Variants in MSRA observed in about 807,000 individuals in gnomAD.
The protein encoded by MSRA is methionine sulfoxide reductase A.
MSRA carries 54 observed loss-of-function variants against 31.3 expected under a neutral mutation model. The observed-to-expected ratio is 1.73, with a 90% CI of 1.39 to 2.17. The LOEUF (loss-of-function observed/expected upper bound fraction) is 2.17. Ranked by LOEUF, MSRA falls within the 30% of genes most tolerant of loss-of-function variation. The pLI is 0.00. For synonymous variants in MSRA, 169 were observed against 116.5 expected, an observed-to-expected ratio of 1.45 and a Z score of -2.90; for missense variants, 507 against 300.9, an observed-to-expected ratio of 1.69 and a Z score of -5.07.
chr8:10,230,789 T>G (rs2975736), intron 2 of MSRA, among the ~76,000 whole-genome samples: 114,421 of 152,040 alleles, frequency 0.75, 44,607 homozygotes, highest in Non-Finnish European at 0.87. Context: ...TTGTTGTTGT[T>G]GTGGTTTTAA....
intron 3 of MSRA, among the ~76,000 whole-genome samples, chr8:10,288,206 C>A (rs925533511): frequency 3.3e-5 from 5 of 152,176 alleles, no homozygotes; most frequent in African/African-American, 1.2e-4. Flanking sequence ...CCCTAAGCGG[C>A]CTTTTTAGAC....
chr8:10,390,018 C>T (rs964690357), intron 5 of MSRA, among the ~76,000 whole-genome samples: 3 of 151,782 alleles, frequency 2.0e-5, no homozygotes, highest in East Asian at 1.9e-4. Context: ...GACTCTGCTT[C>T]TGCCTCACCC....
intron 3 of MSRA, among the ~76,000 whole-genome samples, chr8:10,268,015 G>T (rs1798835340): frequency 6.6e-6 from 1 of 152,140 alleles, no homozygotes; most frequent in African/African-American, 2.4e-5. Context: ...TCACAATGAT[G>T]GCTTTGCTCC....
intron 3 of MSRA, among the ~76,000 whole-genome samples, chr8:10,265,099 A>G (rs768109689): frequency 4.6e-5 from 7 of 152,322 alleles, no homozygotes; most frequent in Admixed American, 1.3e-4. Flanking sequence ...AGCTGATTCA[A>G]TATCCTGTCT....
chr8:10,139,621 T>C (rs567705547), intron 1 of MSRA, among the ~76,000 whole-genome samples: 33 of 152,356 alleles, frequency 2.2e-4, no homozygotes, highest in South Asian at 1.7e-3. Flanking sequence ...CATACAGTCT[T>C]TGACTTTGTT....
intron 1 of MSRA, among the ~76,000 whole-genome samples, chr8:10,183,640 A>T (rs1806744844): frequency 6.6e-6 from 1 of 152,132 alleles, no homozygotes; most frequent in Admixed American, 6.5e-5. Flanking sequence ...TGGCTAGGTT[A>T]TTTGTCCCCA....
intron 3 of MSRA, among the ~76,000 whole-genome samples, chr8:10,284,981 A>C (rs1434176967): frequency 6.6e-6 from 1 of 151,906 alleles, no homozygotes; most frequent in Non-Finnish European, 1.5e-5. Flanking sequence ...TTGAACAAAG[A>C]ATTTATCTAG....
At chr8:10,213,463 G>T (rs1287080111) in intron 2 of MSRA, among the ~76,000 whole-genome samples, 1 of 105,774 alleles carries the variant, frequency 9.5e-6, no homozygotes, top group Non-Finnish European at 1.8e-5. Flanking sequence ...TTTTGAGACA[G>T]AGTCTTGCCC....
chr8:10,117,244 A>C (rs1413332526), intron 1 of MSRA, among the ~76,000 whole-genome samples: 1 of 152,210 alleles, frequency 6.6e-6, no homozygotes, highest in Non-Finnish European at 1.5e-5. Flanking sequence ...GAGAAGTCAC[A>C]AAGGATGGAA....
chr8:10,302,792 G>C (rs568302697), intron 4 of MSRA, among the ~76,000 whole-genome samples: 92 of 152,326 alleles, frequency 6.0e-4, no homozygotes, highest in South Asian at 2.7e-3. Flanking sequence ...CACAAAGTCT[G>C]GTTTGACATG....
At chr8:10,359,878 A>G (rs900655898) in intron 5 of MSRA, among the ~76,000 whole-genome samples, 5 of 152,246 alleles carry the variant, frequency 3.3e-5, no homozygotes, top group Middle Eastern at 3.4e-3. Flanking sequence ...ACCTTACAGC[A>G]CTGTTCCATC....
intron 1 of MSRA, among the ~76,000 whole-genome samples, chr8:10,116,450 AC>A (rs1376829289): frequency 6.6e-6 from 1 of 152,134 alleles, no homozygotes; most frequent in Non-Finnish European, 1.5e-5. Context: ...ATTCTTGAGC[AC>A]CTCCTGTATG....
At chr8:10,105,413 T>G (rs1030613640) in intron 1 of MSRA, among the ~76,000 whole-genome samples, 3 of 152,224 alleles carry the variant, frequency 2.0e-5, no homozygotes, top group African/African-American at 7.2e-5. Context: ...GGAAAAAGTT[T>G]CTCATTTTCC....
chr8:10,399,766 A>G (rs1207650717), intron 5 of MSRA, among the ~76,000 whole-genome samples: 1 of 152,164 alleles, frequency 6.6e-6, no homozygotes, highest in Non-Finnish European at 1.5e-5. Context: ...GGTGCAATGG[A>G]CGGCAGTGGA....
intron 2 of MSRA, among the ~76,000 whole-genome samples, chr8:10,218,376 C>A (rs998764988): frequency 6.6e-6 from 1 of 152,024 alleles, no homozygotes; most frequent in African/African-American, 2.4e-5. Flanking sequence ...AACTCCTGAA[C>A]TCAGGCGATC....
At chr8:10,363,595 C>T (rs922402959) in intron 5 of MSRA, among the ~76,000 whole-genome samples, 7 of 152,112 alleles carry the variant, frequency 4.6e-5, no homozygotes, top group Admixed American at 2.6e-4. Flanking sequence ...TCTACATCTG[C>T]GTAACCTTCA....
chr8:10,220,492 G>A (rs967194798), intron 2 of MSRA, among the ~76,000 whole-genome samples: 3 of 152,184 alleles, frequency 2.0e-5, no homozygotes, highest in Admixed American at 6.5e-5. Flanking sequence ...CCAGAACCAA[G>A]CCTACTCAGG....
intron 2 of MSRA, among the ~76,000 whole-genome samples, chr8:10,244,570 T>C (rs1015312820): frequency 4.6e-5 from 7 of 152,194 alleles, no homozygotes; most frequent in Non-Finnish European, 8.8e-5. Flanking sequence ...CAGTGATTTA[T>C]CACATGCAAG....
intron 1 of MSRA, among the ~76,000 whole-genome samples, chr8:10,118,941 G>T (rs994810711): frequency 2.0e-5 from 3 of 152,146 alleles, no homozygotes; most frequent in Admixed American, 6.5e-5. Flanking sequence ...TGGCTTTCCT[G>T]GTCCAGCCCG....
Sources: gnomAD v4.1 joint callset for allele counts (sites outside exome capture counted in the v4.1 genomes callset) on GRCh38, gnomAD v4.1.1 for gene constraint, MANE v1.5 for transcripts, NCBI Gene and HGNC (gene_info 2026-07-23, HGNC 2026-07-21) for gene names.